Variants in TUBGCP2 observed in about 807,000 individuals in gnomAD.
TUBGCP2 encodes the protein gamma-tubulin complex component 2.
Under a neutral mutation model 92.2 loss-of-function variants are expected in TUBGCP2, and 55 were observed. The ratio of observed to expected loss-of-function variants is 0.60; its 90% CI spans 0.48 to 0.75. The LOEUF (loss-of-function observed/expected upper bound fraction) is 0.75, where lower values mean the gene tolerates loss of function less well. Ranked by LOEUF, TUBGCP2 falls within the 30% of genes least tolerant of loss-of-function variation. TUBGCP2 has a pLI of 0.00. For missense variants in TUBGCP2, 1,093 were observed against 1,188.9 expected (o/e 0.92, Z 1.19); for synonymous variants, 533 against 505.2 (o/e 1.06, Z -0.74).
chr10:133,308,966 G>A (rs1260709339), upstream of TUBGCP2: 1 of 1,241,444 alleles, frequency 8.1e-7, no homozygotes, highest in East Asian at 3.2e-5. Flanking sequence ...CCCGCGCTGT[G>A]CGCCCGCCTC....
chr10:133,302,798 A>T lies in TUBGCP2; in HGVS notation c.144T>A (p.Ser48Arg). Residue 48 changes from serine to arginine, a missense_variant, in exon 2 of 18, where the codon AGT becomes AGA. Around this residue, in one of 3 missense-constraint regions of TUBGCP2, gnomAD observed 490 missense variants for 488.5 expected, o/e 1.00. Coordinates refer to ENST00000252936, the MANE Select transcript of TUBGCP2 (RefSeq NM_006659.4). Reference sequence around the variant, plus strand: ...CACCAAGGGCAGTGCTCACCTTGGCACTGTGAGCAGAGACAGTGGTAGTGA... The same window carrying T: ...CACCAAGGGCAGTGCTCACCTTGGCTCTGTGAGCAGAGACAGTGGTAGTGA... ...PYVTTTVSAHSAKVKIAEFSR... is the reference protein window; with the variant it reads ...PYVTTTVSAHRAKVKIAEFSR... The T allele has an allele frequency of 6.2e-7, 1 of 1,612,538 alleles. No homozygotes were observed. The highest frequency in any genetic ancestry group is 8.5e-7 in the Non-Finnish European group (1 of 1,179,968).
Position 133,285,679 on chromosome 10 carries a change from G to A in TUBGCP2, c.1723-51C>T, listed in dbSNP as rs747839299. On this transcript the variant is annotated intron_variant, in intron 11 of 17. Coordinates refer to ENST00000252936, the MANE Select transcript of TUBGCP2 (RefSeq NM_006659.4). The surrounding 1 kb of genome is among the most constrained non-coding windows in gnomAD (Gnocchi z 6.8). ...GCATCCAGTTTTAAGGAAAAGACCC[G>A]AAGTCGCATCCCGATCGCCATCCTC... The A allele has an allele frequency of 4.8e-6, 7 of 1,469,680 alleles. No individual in the cohort carries two copies. Among genetic ancestry groups the A allele is most frequent in the Middle Eastern group, 1.8e-4 (1 of 5,478 alleles). 91.0% of individuals were successfully genotyped at this position (1,469,680 alleles called of 1,614,324 possible).
At chr10:133,281,627 C>CA in intron 16 of TUBGCP2, 191 bp from the exon 17 acceptor site, 2 of 727,680 alleles carry the variant, frequency 2.7e-6, no homozygotes, top group Non-Finnish European at 4.4e-6. Context: ...ACCCAGCACT[C>CA]AGAGAAACAC....
At chr10:133,283,315 T>C in intron 14 of TUBGCP2, 94 bp from the exon 15 acceptor site, 1 of 1,554,668 alleles carries the variant, frequency 6.4e-7, no homozygotes, top group Non-Finnish European at 8.8e-7. Flanking sequence ...TGTGCATTCC[T>C]GTTTACGCAC....
At chr10:133,287,397 C>A (rs753530787) in intron 11 of TUBGCP2, among the ~76,000 whole-genome samples, 1 of 152,194 alleles carries the variant, frequency 6.6e-6, no homozygotes, top group Non-Finnish European at 1.5e-5. Flanking sequence ...CTGGGCAACA[C>A]AGACCCCCGT....
At chr10:133,292,917 G>A (rs888862890) in intron 7 of TUBGCP2, 122 bp downstream of exon 7, 26 of 1,211,396 alleles carry the variant, frequency 2.1e-5, no homozygotes, top group Middle Eastern at 2.9e-4. Context: ...CATGAGCTTT[G>A]GCCACACGCC....
At chr10:133,283,274 C>A (rs557171549) in intron 14 of TUBGCP2, 53 bp from the exon 15 acceptor site, 2 of 1,611,012 alleles carry the variant, frequency 1.2e-6, no homozygotes, top group East Asian at 2.2e-5. Flanking sequence ...GACAGACGGG[C>A]CCTGCATGCG....
At chr10:133,292,961 G>A (rs1847395949) in intron 7 of TUBGCP2, 78 bp downstream of exon 7, 5 of 1,508,578 alleles carry the variant, frequency 3.3e-6, no homozygotes, top group Admixed American at 3.6e-5. Flanking sequence ...GGCCCCTGCA[G>A]AGTCTCTCCT....
intron 11 of TUBGCP2, among the ~76,000 whole-genome samples, chr10:133,287,406 G>A (rs574268040): frequency 3.8e-4 from 58 of 152,182 alleles, no homozygotes; most frequent in Admixed American, 2.7e-3. Flanking sequence ...ACAGACCCCC[G>A]TCTCTATTAA....
intron 5 of TUBGCP2, chr10:133,297,347 G>A (rs1252187476): frequency 4.8e-5 from 20 of 420,766 alleles, no homozygotes; most frequent in Admixed American, 1.4e-4. Flanking sequence ...GCAGTGTGCC[G>A]AGATCACGCC....
rs1029297959 is a variant in TUBGCP2 at position 133,285,482 on chromosome 10, C to T, written c.1869G>A (p.Lys623=). The T allele has an allele frequency of 1.2e-5, 19 of 1,613,302 alleles. No homozygotes were observed. Among genetic ancestry groups the T allele is most frequent in the Admixed American group, 3.3e-5 (2 of 59,992 alleles). The change falls in exon 12 of 18, where the codon AAG becomes AAA. Residue 623 remains lysine, a synonymous_variant. Coordinates refer to ENST00000252936, the MANE Select transcript of TUBGCP2 (RefSeq NM_006659.4). The surrounding 1 kb of genome is among the most constrained non-coding windows in gnomAD (Gnocchi z 6.8). ...LEAFSFDYIV[K]WPLSLIINRK... is the part of the protein sequence containing the mutation. The stretch of plus-strand genomic sequence containing the variant: ...TGTTGATGATGAGCGAAAGGGGCCA[C>T]TTGACGATGTAGTCGAAAGAGAAGG...
In TUBGCP2 at chr10:133,285,398, C is replaced by T; in HGVS notation, c.1895+58G>A. 6.2e-7 allele frequency: 1 copy of T among 1,609,844 alleles called. No homozygotes were observed. The highest frequency in any genetic ancestry group is 1.7e-4 in the Middle Eastern group (1 of 6,056). On this transcript the variant is annotated intron_variant, in intron 12 of 17. Transcript: ENST00000252936. This position sits in a 1 kb window ranked among gnomAD's most constrained non-coding sequence, Gnocchi z 6.8. ...GAGGTGGCCACCGCGTGGCACAGTTCTCGCTTCTGCCAAACCTGAGTGAAG... is the reference window on the plus strand; with the variant it reads ...GAGGTGGCCACCGCGTGGCACAGTTTTCGCTTCTGCCAAACCTGAGTGAAG...
rs1564771566 is a variant in TUBGCP2 at position 133,298,064 on chromosome 10, T to A, written c.504A>T (p.Lys168Asn). 1 of 1,614,206 alleles carries A rather than the reference T, an allele frequency of 6.2e-7. No individual in the cohort carries two copies. The highest frequency in any genetic ancestry group is 1.7e-5 in the Admixed American group (1 of 60,034). The change falls in exon 5 of 18, where the codon AAA (lysine) becomes AAT (asparagine). Residue 168 changes from lysine (K) to asparagine (N), a missense_variant. Lys to Asn is a moderately conservative substitution (Grantham distance 94, BLOSUM62 0). Coordinates refer to ENST00000252936, the MANE Select transcript of TUBGCP2 (RefSeq NM_006659.4). ...AGATGGGGAGGTGCTGGCCTGAATT[T>A]TTTTTGTTCTGCTTGTCTCGAAGCA... The part of the protein sequence containing the change: ...RKMLRDKQNK[K>N]NSGQHLPIFP...
intron 5 of TUBGCP2, among the ~76,000 whole-genome samples, chr10:133,296,805 A>C (rs1847498638): frequency 6.6e-6 from 1 of 152,148 alleles, no homozygotes; most frequent in Non-Finnish European, 1.5e-5. Flanking sequence ...ACTTTTCATT[A>C]ACTTACAGCA....
chr10:133,302,763 C>T lies in TUBGCP2; in HGVS notation c.150+29G>A, dbSNP rs761592215. On this transcript the variant is annotated intron_variant, in intron 2 of 17. Transcript: ENST00000252936. ...TGACCCAGGAACAGTGCTCACCCTG[C>T]ACAGCGCTACACCAAGGGCAGTGCT... The T allele has an allele frequency of 2.5e-6, 4 of 1,611,584 alleles. No individual in the cohort carries two copies. In the South Asian group the frequency reaches 4.4e-5, roughly 18 times the overall value.
At position 133,302,973 on chromosome 10, in the gene TUBGCP2, A is replaced by T; in HGVS notation, c.-32T>A. 3.7e-6 allele frequency: 6 copies of T among 1,613,392 alleles called. No individual in the cohort carries two copies. Among genetic ancestry groups the T allele is most frequent in the Non-Finnish European group, 5.1e-6 (6 of 1,179,468 alleles). ...AGCTCTGAGGCACGAACATCACAAT[A>T]TGTTCTCCTATAGGTAAGAAGACAG... On this transcript the variant is annotated 5_prime_UTR_variant, in exon 2 of 18. Coordinates refer to ENST00000252936, the MANE Select transcript of TUBGCP2 (RefSeq NM_006659.4).
chr10:133,307,166 A>G (rs1847842604), intron 1 of TUBGCP2, among the ~76,000 whole-genome samples: 1 of 152,242 alleles, frequency 6.6e-6, no homozygotes, highest in Admixed American at 6.5e-5. Flanking sequence ...ACGTCTAGCC[A>G]TGGCCGCTGA....
chr10:133,285,273 G>A lies in TUBGCP2; in HGVS notation c.1896-60C>T, dbSNP rs772921126. On this transcript the variant is annotated intron_variant, in intron 12 of 17. Coordinates refer to ENST00000252936, the MANE Select transcript of TUBGCP2 (RefSeq NM_006659.4). This position sits in a 1 kb window ranked among gnomAD's most constrained non-coding sequence, Gnocchi z 6.8. ...CCGTGACCGGCGGCGTCGTGGACAC[G>A]GCGTCTGTACTCCACAGTCCGCACC... 133 of 1,604,780 alleles carry A rather than the reference G, an allele frequency of 8.3e-5. 1 individual carries two copies. The highest frequency in any genetic ancestry group is 1.7e-4 in the South Asian group (15 of 90,500).
intron 17 of TUBGCP2, among the ~76,000 whole-genome samples, chr10:133,280,866 C>T (rs1203751553): frequency 7.3e-6 from 1 of 137,810 alleles, no homozygotes; most frequent in African/African-American, 2.7e-5. Context: ...AAGGCTGAGC[C>T]GGGGCAGCAC....
Sources: gnomAD v4.1 joint callset for allele counts (sites outside exome capture counted in the v4.1 genomes callset) on GRCh38, gnomAD v4.1.1 for gene constraint, gnomAD v4.1.1 regional missense constraint, Gnocchi (gnomAD v3.1) non-coding constraint, MANE v1.5 for transcripts, NCBI Gene and HGNC (gene_info 2026-07-23, HGNC 2026-07-21) for gene names.